Variants in PTPRZ1 observed in about 807,000 individuals in gnomAD.
PTPRZ1 encodes the protein receptor-type tyrosine-protein phosphatase zeta.
In PTPRZ1, 82 loss-of-function variants were observed where a neutral mutation model predicts 214.1. The observed-to-expected ratio is 0.38, with a 90% CI of 0.32 to 0.46. The LOEUF (loss-of-function observed/expected upper bound fraction) is 0.46, where lower values mean the gene tolerates loss of function less well. PTPRZ1 is among the 20% of genes least tolerant of loss of function. The probability of loss-of-function intolerance (pLI) is 1.00; values close to 1 mark genes in which losing one functional copy is unlikely to be tolerated. For synonymous variants in PTPRZ1, 945 were observed against 987.9 expected (o/e 0.96, Z 0.81); for missense variants, 2,603 against 2,748.7 (o/e 0.95, Z 1.19).
At chr7:121,996,269 C>T (rs1798130607) in intron 8 of PTPRZ1, 113 bp from the exon 9 acceptor site, 1 of 774,142 alleles carries the variant, frequency 1.3e-6, no homozygotes, top group Non-Finnish European at 1.9e-6. Context: ...GAAAGTGTAA[C>T]TTTTTACTTT....
chr7:121,890,980 C>G (rs1584607023), intron 1 of PTPRZ1, among the ~76,000 whole-genome samples: 1 of 151,942 alleles, frequency 6.6e-6, no homozygotes, highest in South Asian at 2.1e-4. Context: ...GCTTAGCTCT[C>G]CTGTTACTTC....
intron 4 of PTPRZ1, among the ~76,000 whole-genome samples, chr7:121,974,466 A>T (rs1797367538): frequency 6.6e-6 from 1 of 152,130 alleles, no homozygotes; most frequent in African/African-American, 2.4e-5. Context: ...ATTGTCTCTC[A>T]GTGGTATTGG....
intron 2 of PTPRZ1, among the ~76,000 whole-genome samples, chr7:121,963,946 G>A (rs768341481): frequency 3.3e-5 from 5 of 151,790 alleles, no homozygotes; most frequent in Non-Finnish European, 7.4e-5. Context: ...TCCTAACCTC[G>A]TGTAGTTCAG....
At chr7:121,887,402 T>C (rs1301143608) in intron 1 of PTPRZ1, among the ~76,000 whole-genome samples, 1 of 152,178 alleles carries the variant, frequency 6.6e-6, no homozygotes, top group Non-Finnish European at 1.5e-5. Context: ...AGATCACATT[T>C]GCAGCATTTG....
chr7:122,046,021 G>A (rs1275770063), intron 23 of PTPRZ1, among the ~76,000 whole-genome samples: 1 of 152,132 alleles, frequency 6.6e-6, no homozygotes, highest in African/African-American at 2.4e-5. Context: ...TCAGACACCT[G>A]CCAGATGCCA....
In PTPRZ1 at chr7:122,053,982, A is replaced by G; in HGVS notation, c.6325A>G (p.Met2109Val). The G allele has an allele frequency of 1.2e-6, 2 of 1,613,316 alleles. No homozygotes were observed. Among genetic ancestry groups the G allele is most frequent in the Non-Finnish European group, 1.7e-6 (2 of 1,179,426 alleles). The change falls in exon 26 of 30, where the codon ATG becomes GTG. Residue 2109 changes from methionine to valine, a missense_variant. By Grantham distance (21) the Met-to-Val change is conservative (BLOSUM62 1). Around this residue, in one of 6 missense-constraint regions of PTPRZ1, gnomAD observed 134 missense variants for 183.3 expected, o/e 0.73. Coordinates refer to ENST00000393386, the MANE Select transcript of PTPRZ1 (RefSeq NM_002851.3). The stretch of plus-strand genomic sequence containing the variant: ...TCATACCATCAAGGATTTCTGGAGG[A>G]TGATATGGGACCATAATGCCCAACT... Reference protein sequence around the residue: ...LLHTIKDFWRMIWDHNAQLVV... With the variant: ...LLHTIKDFWRVIWDHNAQLVV...
chr7:122,002,729 A>T (rs1458095210), intron 10 of PTPRZ1, among the ~76,000 whole-genome samples: 3 of 152,178 alleles, frequency 2.0e-5, no homozygotes, highest in African/African-American at 4.8e-5. Context: ...ACCATTTTTT[A>T]AAAATTTTGA....
intron 1 of PTPRZ1, among the ~76,000 whole-genome samples, chr7:121,920,942 G>C (rs1459137914): frequency 6.6e-6 from 1 of 152,030 alleles, no homozygotes. Context: ...TTGAATTTAA[G>C]TAAAGTCCAA....
At chr7:122,021,019 A>G (rs1449158407) in intron 13 of PTPRZ1, among the ~76,000 whole-genome samples, 2 of 152,188 alleles carry the variant, frequency 1.3e-5, no homozygotes, top group African/African-American at 4.8e-5. Flanking sequence ...GATTTTCCCT[A>G]CCAAACTACC....
intron 12 of PTPRZ1, among the ~76,000 whole-genome samples, chr7:122,016,362 A>G (rs1047852408): frequency 6.6e-6 from 1 of 152,084 alleles, no homozygotes; most frequent in African/African-American, 2.4e-5. Context: ...GGTAACTCAT[A>G]TATACTACTG....
chr7:121,968,812 A>G (rs1482128568), intron 3 of PTPRZ1, among the ~76,000 whole-genome samples: 1 of 152,154 alleles, frequency 6.6e-6, no homozygotes, highest in African/African-American at 2.4e-5. Context: ...CACGTAAGAC[A>G]AAGATTAGAA....
At position 121,897,511 on chromosome 7, in the gene PTPRZ1, A is replaced by G. The variant is rs1012622047; in HGVS notation, c.58+23954A>G. On this transcript the variant is annotated intron_variant, in intron 1 of 29. Coordinates refer to ENST00000393386, the MANE Select transcript of PTPRZ1 (RefSeq NM_002851.3). ...CTTGTTTTTCTACCTTGTTTTATAC[A>G]TTCCTCTATCCCCACAGCCCAGCAA... 2.6e-5 allele frequency among the ~76,000 whole-genome samples: 4 copies of G among 152,150 alleles called. No individual in the cohort carries two copies. In the South Asian group the frequency reaches 8.3e-4, roughly 32 times the overall value.
intron 1 of PTPRZ1, among the ~76,000 whole-genome samples, chr7:121,896,315 A>G (rs1313270128): frequency 2.0e-5 from 3 of 152,182 alleles, no homozygotes; most frequent in South Asian, 2.1e-4. Context: ...CTCTATATCC[A>G]TTGAACAACT....
intron 1 of PTPRZ1, among the ~76,000 whole-genome samples, chr7:121,903,749 C>G (rs1428899863): frequency 6.6e-6 from 1 of 152,012 alleles, no homozygotes; most frequent in Non-Finnish European, 1.5e-5. Flanking sequence ...TCCCTTAGCT[C>G]GAGTCCTAAA....
At chr7:121,879,696 G>A (rs1379167508) in intron 1 of PTPRZ1, among the ~76,000 whole-genome samples, 1 of 152,074 alleles carries the variant, frequency 6.6e-6, no homozygotes, top group Non-Finnish European at 1.5e-5. Flanking sequence ...CTTCATAGGA[G>A]TCAAAAGCAG....
At chr7:121,905,410 C>T (rs915266172) in intron 1 of PTPRZ1, among the ~76,000 whole-genome samples, 4 of 152,130 alleles carry the variant, frequency 2.6e-5, no homozygotes, top group African/African-American at 9.7e-5. Context: ...CTGCTTCACA[C>T]AATGCTTTGG....
intron 2 of PTPRZ1, among the ~76,000 whole-genome samples, chr7:121,938,270 T>C (rs1414170701): frequency 6.6e-6 from 1 of 152,148 alleles, no homozygotes; most frequent in Non-Finnish European, 1.5e-5. Context: ...ATTGCGAAGA[T>C]AGGAAGAAAT....
chr7:122,031,073 T>A (rs1147497), intron 14 of PTPRZ1, among the ~76,000 whole-genome samples: 1 of 151,844 alleles, frequency 6.6e-6, no homozygotes, highest in East Asian at 1.9e-4. Context: ...TTTATTATGC[T>A]TGGTCCACAC....
In PTPRZ1 at chr7:121,990,052, G is replaced by T. The variant is rs1242259406; in HGVS notation, c.928+5935G>T. ...ATTTTATGTTGTATTCCATCATATA[G>T]TTATAACTGTATATTAAACCTTAAC... On this transcript the variant is annotated intron_variant, in intron 8 of 29. Transcript: ENST00000393386. Among the ~76,000 whole-genome samples, 3 of 151,596 alleles carry T rather than the reference G, an allele frequency of 2.0e-5. No individual in the cohort carries two copies. In the East Asian group the frequency reaches 5.8e-4, roughly 29 times the overall value.
Sources: gnomAD v4.1 joint callset for allele counts (sites outside exome capture counted in the v4.1 genomes callset) on GRCh38, gnomAD v4.1.1 for gene constraint, gnomAD v4.1.1 regional missense constraint, MANE v1.5 for transcripts, NCBI Gene and HGNC (gene_info 2026-07-23, HGNC 2026-07-21) for gene names.